The following EXOC4 variants were observed in gnomAD, a reference collection of about 807,000 sequenced individuals.
EXOC4 encodes SEC8-like 1.
EXOC4 carries 71 observed loss-of-function variants against 107.2 expected under a neutral mutation model. The observed-to-expected ratio is 0.66, with a 90% CI of 0.55 to 0.81. EXOC4 has a LOEUF of 0.81. EXOC4 is among the 30% of genes least tolerant of loss of function. The probability of loss-of-function intolerance (pLI) is 0.00; values close to 1 mark genes in which losing one functional copy is unlikely to be tolerated. For missense variants in EXOC4, 1,108 were observed against 1,189.6 expected (o/e 0.93, Z 1.01); for synonymous variants, 456 against 441.2 (o/e 1.03, Z -0.42).
intron 11 of EXOC4, among the ~76,000 whole-genome samples, chr7:133,859,198 C>A (rs1798481167): frequency 6.6e-6 from 1 of 152,168 alleles, no homozygotes; most frequent in Admixed American, 6.5e-5. Context: ...GCTTATGTCC[C>A]AGAGGTGGCA....
At chr7:133,683,000 G>C (rs1794219936) in intron 10 of EXOC4, among the ~76,000 whole-genome samples, 1 of 152,116 alleles carries the variant, frequency 6.6e-6, no homozygotes, top group Non-Finnish European at 1.5e-5. Flanking sequence ...CAGAGATGTT[G>C]TCATTCTGTG....
At chr7:134,045,887 G>A (rs553496158) in intron 17 of EXOC4, among the ~76,000 whole-genome samples, 3 of 151,964 alleles carry the variant, frequency 2.0e-5, no homozygotes, top group Non-Finnish European at 2.9e-5. Context: ...AGTCTTTTGC[G>A]GCTAGCTTGT....
At chr7:134,094,185 CGAA>C in the EXOC4 span, among the ~76,000 whole-genome samples, 1 of 151,776 alleles carries the variant, frequency 6.6e-6, no homozygotes, top group East Asian at 1.9e-4. Flanking sequence ...GCTAGGTTAA[CGAA>C]GAAAAGATCC....
chr7:133,579,237 A>G (rs1760767521), intron 9 of EXOC4, among the ~76,000 whole-genome samples: 1 of 152,190 alleles, frequency 6.6e-6, no homozygotes, highest in Non-Finnish European at 1.5e-5. Flanking sequence ...GTGAAGGGAT[A>G]CTTTAGCATA....
In EXOC4 at chr7:133,472,324, G is replaced by C. The variant is rs1443965383; in HGVS notation, c.1183-3004G>C. ...AACTAAGTTGGTGGCTGTCAAAATG[G>C]ACAGGAGTGGGCAAACTAATAGGGA... On this transcript the variant is annotated intron_variant, in intron 7 of 17. Transcript: ENST00000253861. Among the ~76,000 whole-genome samples, 4 of 152,142 alleles carry C rather than the reference G, an allele frequency of 2.6e-5. No individual in the cohort carries two copies. In the South Asian group the frequency reaches 6.2e-4, roughly 24 times the overall value.
intron 13 of EXOC4, among the ~76,000 whole-genome samples, chr7:133,933,322 C>T (rs985984566): frequency 2.0e-5 from 3 of 152,094 alleles, no homozygotes; most frequent in Non-Finnish European, 4.4e-5. Flanking sequence ...TAACATTCTT[C>T]TTTAGTTTCA....
At chr7:133,940,467 T>C (rs1454656866) in intron 14 of EXOC4, among the ~76,000 whole-genome samples, 3 of 152,232 alleles carry the variant, frequency 2.0e-5, no homozygotes, top group Non-Finnish European at 2.9e-5. Flanking sequence ...TCTCAGTTCC[T>C]TGCAGGGTGA....
intron 10 of EXOC4, among the ~76,000 whole-genome samples, chr7:133,743,813 G>T (rs554489398): frequency 5.3e-5 from 8 of 152,064 alleles, no homozygotes; most frequent in African/African-American, 9.7e-5. Flanking sequence ...GGGTGTTTTC[G>T]TGCCCTGATG....
At chr7:133,556,067 T>A (rs1048306430) in intron 9 of EXOC4, among the ~76,000 whole-genome samples, 5 of 152,228 alleles carry the variant, frequency 3.3e-5, no homozygotes, top group Admixed American at 2.0e-4. Flanking sequence ...TCACTAAACC[T>A]GTTCTCTCCT....
At position 133,521,488 on chromosome 7, in the gene EXOC4, A is replaced by G. The variant is rs149740966; in HGVS notation, c.1417+41350A>G. ...CTTATTTATTTCTGTAGTCTTTGAA[A>G]TTTGTATTCTCCCCCAATGTATTTT... On this transcript the variant is annotated intron_variant, in intron 9 of 17. Transcript: ENST00000253861. 1.5e-3 allele frequency among the ~76,000 whole-genome samples: 224 copies of G among 152,290 alleles called. 1 individual carries two copies. Among genetic ancestry groups the G allele is most frequent in the African/African-American group, 5.1e-3 (213 of 41,572 alleles).
intron 9 of EXOC4, among the ~76,000 whole-genome samples, chr7:133,512,359 G>T (rs1028205285): frequency 6.6e-6 from 1 of 152,092 alleles, no homozygotes; most frequent in Non-Finnish European, 1.5e-5. Context: ...AACCCAGGAG[G>T]CAGAGGTTGC....
intron 17 of EXOC4, among the ~76,000 whole-genome samples, chr7:134,053,163 G>A (rs1795836497): frequency 1.3e-5 from 2 of 151,828 alleles, no homozygotes; most frequent in African/African-American, 4.8e-5. Context: ...GCGTGAACCC[G>A]GGAGGCGGAG....
chr7:133,289,268 A>G (rs1794351925), intron 3 of EXOC4, 152 bp downstream of exon 3: 2 of 602,356 alleles, frequency 3.3e-6, no homozygotes, highest in Admixed American at 3.0e-5. Flanking sequence ...GTATTTCTCT[A>G]ATTCCAGTGT....
chr7:134,034,584 C>T (rs1795345905), intron 17 of EXOC4, among the ~76,000 whole-genome samples: 1 of 152,178 alleles, frequency 6.6e-6, no homozygotes, highest in Non-Finnish European at 1.5e-5. Flanking sequence ...ATCAGCACTT[C>T]TCCTTCCTGC....
chr7:133,741,929 C>T (rs560430548), intron 10 of EXOC4, among the ~76,000 whole-genome samples: 1 of 152,134 alleles, frequency 6.6e-6, no homozygotes, highest in Non-Finnish European at 1.5e-5. Context: ...ATTACAGTGC[C>T]CTCAGGGACT....
rs554282023 is a variant in EXOC4 at position 133,915,227 on chromosome 7, G to A, written c.1872-2356G>A. 7.1e-4 allele frequency among the ~76,000 whole-genome samples: 93 copies of A among 130,462 alleles called. No homozygotes were observed. In the East Asian group the frequency reaches 0.014, roughly 19 times the overall value. The allele number at this position is 130,462 out of a possible 152,430, so 85.6% of individuals were successfully genotyped here. A position where few individuals can be genotyped will look rare whatever the true frequency, so the allele number is the denominator to read the frequency against. ...GCAGCTTTGTTAGAGAGGAATGCAG[G>A]GAAGAGATTCATTCATTCATTCATT... On this transcript the variant is annotated intron_variant, in intron 12 of 17. Transcript: ENST00000253861.
chr7:133,395,109 CTTTTTTTTT>C (rs200545904), intron 7 of EXOC4, among the ~76,000 whole-genome samples: 1 of 130,886 alleles, frequency 7.6e-6, no homozygotes, highest in Non-Finnish European at 1.6e-5. Context: ...ATACTTTTGC[CTTTTTTTTT>C]TTTTTTTTAA....
intron 7 of EXOC4, among the ~76,000 whole-genome samples, chr7:133,420,644 TAA>T (rs1715718174): frequency 6.6e-6 from 1 of 152,246 alleles, no homozygotes; most frequent in African/African-American, 2.4e-5. Context: ...GGGGCCAATG[TAA>T]AGTCTTGTCT....
At chr7:133,478,720 C>T (rs1206439654) in intron 8 of EXOC4, among the ~76,000 whole-genome samples, 2 of 152,096 alleles carry the variant, frequency 1.3e-5, no homozygotes, top group African/African-American at 2.4e-5. Context: ...TGTTTAAGTC[C>T]TGCCTTATTG....
Sources: gnomAD v4.1 joint callset for allele counts (sites outside exome capture counted in the v4.1 genomes callset) on GRCh38, gnomAD v4.1.1 for gene constraint, MANE v1.5 for transcripts, NCBI Gene and HGNC (gene_info 2026-07-23, HGNC 2026-07-21) for gene names.